Variants in PDE4B observed in about 807,000 individuals in gnomAD.
PDE4B encodes phosphodiesterase 4B.
PDE4B carries 20 observed loss-of-function variants against 82.2 expected under a neutral mutation model. The observed-to-expected ratio is 0.24, with a 90% CI of 0.17 to 0.35. The LOEUF is 0.35. PDE4B is among the 10% of genes least tolerant of loss of function. The probability of loss-of-function intolerance (pLI) is 1.00; values close to 1 mark genes in which losing one functional copy is unlikely to be tolerated. For synonymous variants in PDE4B, 320 were observed against 318.9 expected (o/e 1.00, Z -0.04); for missense variants, 655 against 907.2 (o/e 0.72, Z 3.57).
intron 3 of PDE4B, among the ~76,000 whole-genome samples, chr1:66,106,572 C>A (rs1392928137): frequency 6.6e-6 from 1 of 150,424 alleles, no homozygotes; most frequent in East Asian, 2.0e-4. Context: ...TGGTCCTGGA[C>A]TCTTTTTGGT....
At chr1:65,934,086 TA>T (rs1352986319) in intron 3 of PDE4B, among the ~76,000 whole-genome samples, 1 of 151,972 alleles carries the variant, frequency 6.6e-6, no homozygotes, top group African/African-American at 2.4e-5. Flanking sequence ...GTAAGCCCCA[TA>T]GTGGCCACAA....
chr1:65,935,937 CA>C (rs1191174379), intron 3 of PDE4B, among the ~76,000 whole-genome samples: 2 of 151,176 alleles, frequency 1.3e-5, no homozygotes, highest in South Asian at 2.1e-4. Flanking sequence ...AATTCTGTCT[CA>C]AAAAAAACAA....
chr1:66,264,568 C>T (rs947855342), intron 6 of PDE4B, among the ~76,000 whole-genome samples: 2 of 152,152 alleles, frequency 1.3e-5, no homozygotes, highest in Non-Finnish European at 2.9e-5. Context: ...TCTCTTGTCA[C>T]ATGTGAAAAT....
intron 3 of PDE4B, among the ~76,000 whole-genome samples, chr1:65,984,721 C>G (rs1013755890): frequency 7.2e-5 from 11 of 152,052 alleles, no homozygotes; most frequent in African/African-American, 1.9e-4. Context: ...TGCCACTGCA[C>G]TTCCAGCCTG....
Position 66,373,020 on chromosome 1 carries a change from T to C in PDE4B, c.*342T>C, listed in dbSNP as rs922353239. On this transcript the variant is annotated 3_prime_UTR_variant, in exon 17 of 17. Coordinates refer to ENST00000341517, the MANE Select transcript of PDE4B (RefSeq NM_002600.4). ...TATCCCCGACAGTGACTGAACTCAC[T>C]GACTAATAACTTCATTTATGAATCT... 4.0e-5 allele frequency: 9 copies of C among 224,728 alleles called. No individual in the cohort carries two copies. The highest frequency in any genetic ancestry group is 1.6e-4 in the African/African-American group (7 of 44,678). 13.9% of individuals were successfully genotyped at this position (224,728 alleles called of 1,614,324 possible).
intron 1 of PDE4B, among the ~76,000 whole-genome samples, chr1:65,818,803 ATAT>A (rs1235143261): frequency 2.0e-5 from 3 of 151,972 alleles, no homozygotes; most frequent in Non-Finnish European, 4.4e-5. Flanking sequence ...AAGCTTAGAG[ATAT>A]TATATTTATT....
At chr1:66,159,956 C>T (rs929016613) in intron 3 of PDE4B, among the ~76,000 whole-genome samples, 1 of 152,196 alleles carries the variant, frequency 6.6e-6, no homozygotes, top group South Asian at 2.1e-4. Context: ...GGAATAGCCT[C>T]CTCCCTCTTC....
chr1:66,370,361 A>G (rs2050701098), intron 16 of PDE4B, among the ~76,000 whole-genome samples: 1 of 152,140 alleles, frequency 6.6e-6, no homozygotes, highest in South Asian at 2.1e-4. Context: ...TGTTCTGTGG[A>G]GCATTTCACA....
intron 3 of PDE4B, among the ~76,000 whole-genome samples, chr1:66,099,705 TC>T (rs1645183925): frequency 6.6e-6 from 1 of 152,102 alleles, no homozygotes; most frequent in Admixed American, 6.6e-5. Context: ...TGATTACAAG[TC>T]CATTTATCTC....
intron 1 of PDE4B, among the ~76,000 whole-genome samples, chr1:65,850,110 CTTTTTT>C (rs57662381): frequency 1.0e-5 from 1 of 97,490 alleles, no homozygotes; most frequent in Non-Finnish European, 2.0e-5. Flanking sequence ...TTGCCCTGCA[CTTTTTT>C]TTTTTTTTTT....
chr1:66,261,917 C>T (rs2101717683), intron 6 of PDE4B, among the ~76,000 whole-genome samples: 1 of 152,298 alleles, frequency 6.6e-6, no homozygotes, highest in South Asian at 2.1e-4. Context: ...ATCAGGTGCG[C>T]AAGTGAGTGT....
At chr1:66,106,571 A>G (rs1024766868) in intron 3 of PDE4B, among the ~76,000 whole-genome samples, 29 of 148,296 alleles carry the variant, frequency 2.0e-4, no homozygotes, top group Non-Finnish European at 3.6e-4. Flanking sequence ...CTGGTCCTGG[A>G]CTCTTTTTGG....
At chr1:66,271,480 C>T (rs1177823937) in intron 7 of PDE4B, among the ~76,000 whole-genome samples, 1 of 152,186 alleles carries the variant, frequency 6.6e-6, no homozygotes, top group Non-Finnish European at 1.5e-5. Context: ...TGCTGGCCCT[C>T]CCAGAGGCAA....
At chr1:66,164,633 T>C (rs1202373135) in intron 3 of PDE4B, among the ~76,000 whole-genome samples, 3 of 148,668 alleles carry the variant, frequency 2.0e-5, no homozygotes, top group African/African-American at 7.4e-5. Context: ...TAGGGCATAA[T>C]GCATTTGAAA....
At chr1:65,896,677 T>C (rs1293441169) in intron 1 of PDE4B, among the ~76,000 whole-genome samples, 4 of 152,192 alleles carry the variant, frequency 2.6e-5, no homozygotes, top group Non-Finnish European at 5.9e-5. Flanking sequence ...GTATTTGTTG[T>C]TTGCTATAAT....
chr1:65,985,281 C>CT (rs1189929393), intron 3 of PDE4B, among the ~76,000 whole-genome samples: 2 of 151,958 alleles, frequency 1.3e-5, no homozygotes, highest in South Asian at 2.1e-4. Context: ...GCATATTGTT[C>CT]TTTTTTTAAG....
chr1:65,980,878 G>T (rs776211318), intron 3 of PDE4B, among the ~76,000 whole-genome samples: 2 of 152,056 alleles, frequency 1.3e-5, no homozygotes, highest in Non-Finnish European at 1.5e-5. Flanking sequence ...AAAAAACACA[G>T]TATCATTAGA....
At chr1:66,222,789 T>C (rs912482360) in intron 3 of PDE4B, among the ~76,000 whole-genome samples, 24 of 152,180 alleles carry the variant, frequency 1.6e-4, no homozygotes, top group African/African-American at 5.8e-4. Flanking sequence ...GAATAGACGC[T>C]CAAGAAATGT....
chr1:65,835,313 A>G (rs569539332), intron 1 of PDE4B, among the ~76,000 whole-genome samples: 1 of 152,294 alleles, frequency 6.6e-6, no homozygotes, highest in Admixed American at 6.5e-5. Context: ...GAGCTTCCCA[A>G]AGCAATTCCT....
Sources: gnomAD v4.1 joint callset for allele counts (sites outside exome capture counted in the v4.1 genomes callset) on GRCh38, gnomAD v4.1.1 for gene constraint, MANE v1.5 for transcripts, NCBI Gene and HGNC (gene_info 2026-07-23, HGNC 2026-07-21) for gene names.